Variants in HSD17B4 observed in about 807,000 individuals in gnomAD.
HSD17B4 encodes peroxisomal multifunctional enzyme type 2.
Under a neutral mutation model 101.0 loss-of-function variants are expected in HSD17B4, and 70 were observed. That is an observed-to-expected ratio of 0.69 (90% CI 0.57 to 0.85). The LOEUF (loss-of-function observed/expected upper bound fraction) is 0.85, where lower values mean the gene tolerates loss of function less well. Among genes scored for constraint, HSD17B4 ranks in the 40% least tolerant of loss-of-function variants. The probability of loss-of-function intolerance (pLI) is 0.00; values close to 1 mark genes in which losing one functional copy is unlikely to be tolerated. For synonymous variants in HSD17B4, 347 were observed against 297.1 expected (o/e 1.17, Z -1.73); for missense variants, 984 against 892.4 (o/e 1.10, Z -1.31).
At chr5:119,452,741 G>T in intron 1 of HSD17B4, 108 bp downstream of exon 1, 1 of 1,595,804 alleles carries the variant, frequency 6.3e-7, no homozygotes, top group African/African-American at 1.3e-5. Context: ...CCGCTGAGGT[G>T]GTGGGGAGGG....
intron 12 of HSD17B4, among the ~76,000 whole-genome samples, chr5:119,498,329 A>C (rs371986152): frequency 3.3e-5 from 5 of 152,318 alleles, no homozygotes; most frequent in African/African-American, 1.2e-4. Flanking sequence ...TCTGTGGGCT[A>C]CATAGTGCTT....
chr5:119,483,443 T>G (rs1277362160), intron 8 of HSD17B4, among the ~76,000 whole-genome samples: 8 of 152,156 alleles, frequency 5.3e-5, no homozygotes, highest in Admixed American at 4.6e-4. Context: ...TCCAAGCTCT[T>G]TTTATGTTGG....
chr5:119,483,545 T>A (rs1180885666), intron 8 of HSD17B4, among the ~76,000 whole-genome samples: 2 of 152,194 alleles, frequency 1.3e-5, no homozygotes, highest in Admixed American at 1.3e-4. Flanking sequence ...CTTTTAATGG[T>A]TGCATTGTAT....
chr5:119,517,782 A>G (rs989365824), intron 17 of HSD17B4, among the ~76,000 whole-genome samples: 6 of 151,886 alleles, frequency 4.0e-5, no homozygotes, highest in East Asian at 1.9e-4. Flanking sequence ...AAATGCACCA[A>G]TCGGCACTCT....
At position 119,509,176 on chromosome 5, in the gene HSD17B4, A is replaced by T. The variant is rs137853097; in HGVS notation, c.1369A>T (p.Asn457Tyr). 1.5e-5 allele frequency: 24 copies of T among 1,604,088 alleles called. No individual in the cohort carries two copies. The highest frequency in any genetic ancestry group is 1.2e-4 in the Admixed American group (7 of 59,988). Residue 457 changes from asparagine (N) to tyrosine (Y), a missense_variant, in exon 16 of 24, where the codon AAT becomes TAT. Physicochemically the swap from Asn to Tyr is moderately radical, Grantham distance 143. Coordinates refer to ENST00000510025, the MANE Select transcript of HSD17B4 (RefSeq NM_000414.4). ...TTCTGAGAAGGAACTTATATGCCAC[A>T]ATCAGTTCTCTCTCTTTCTTGTTGG... Reference protein sequence around the residue: ...SYSEKELICHNQFSLFLVGSG... With the variant: ...SYSEKELICHYQFSLFLVGSG...
At chr5:119,474,345 G>T in intron 3 of HSD17B4, 56 bp from the exon 4 acceptor site, 1 of 1,041,288 alleles carries the variant, frequency 9.6e-7, no homozygotes, top group Non-Finnish European at 1.5e-6. Flanking sequence ...ACAGAATTTA[G>T]AAGTCCTTTG....
At chr5:119,525,370 C>G (rs1269990975) in intron 18 of HSD17B4, 85 bp downstream of exon 18, 4 of 842,234 alleles carry the variant, frequency 4.7e-6, no homozygotes, top group Admixed American at 3.5e-5. Context: ...CTACTTATGA[C>G]TGGTAGTTTG....
intron 2 of HSD17B4, among the ~76,000 whole-genome samples, chr5:119,460,905 C>A (rs1755162700): frequency 6.6e-6 from 1 of 152,156 alleles, no homozygotes. Context: ...GCATCCCTGG[C>A]AGAAGAAGCA....
intron 23 of HSD17B4, among the ~76,000 whole-genome samples, chr5:119,537,453 G>A (rs1384317163): frequency 1.3e-5 from 2 of 152,096 alleles, no homozygotes; most frequent in Non-Finnish European, 2.9e-5. Context: ...TTAGTACAGT[G>A]CTTGGCAATG....
At chr5:119,471,644 A>G in intron 2 of HSD17B4, 3 of 1,370,556 alleles carry the variant, frequency 2.2e-6, no homozygotes, top group Non-Finnish European at 2.9e-6. Context: ...AGCTTTCAAA[A>G]TCTATGCAAT....
rs34381335 is a variant in HSD17B4 at position 119,542,238 on chromosome 5, T to TAA, written c.*249_*250dup. 6.6e-6 allele frequency: 2 copies of TAA among 302,556 alleles called. No homozygotes were observed. Among genetic ancestry groups the TAA allele is most frequent in the African/African-American group, 2.2e-5 (1 of 45,518 alleles). The allele number at this position is 302,556 out of a possible 1,614,324, so 18.7% of individuals were successfully genotyped here. ...TGTTCTTAGATCTGTATCTTCATAA[T>TAA]AAAAAATTTTGCCCAAGTCCTGTTT... On this transcript the variant is annotated 3_prime_UTR_variant, in exon 24 of 24. Coordinates refer to ENST00000510025, the MANE Select transcript of HSD17B4 (RefSeq NM_000414.4).
intron 8 of HSD17B4, chr5:119,487,437 T>G (rs948129334): frequency 6.6e-6 from 1 of 151,980 alleles, no homozygotes; most frequent in Non-Finnish European, 1.5e-5. Context: ...TCATATAACT[T>G]TATATCTTAA....
chr5:119,541,163 A>G (rs1041543493), intron 23 of HSD17B4, among the ~76,000 whole-genome samples: 7 of 152,222 alleles, frequency 4.6e-5, no homozygotes, highest in African/African-American at 1.7e-4. Context: ...GGTTAGATAC[A>G]AAACTGCTAC....
At chr5:119,540,905 A>G (rs566464175) in intron 23 of HSD17B4, among the ~76,000 whole-genome samples, 3 of 152,276 alleles carry the variant, frequency 2.0e-5, no homozygotes, top group Non-Finnish European at 4.4e-5. Context: ...AACTGGGGTA[A>G]GAACTGCTGA....
chr5:119,517,009 TGAG>T (rs1001134235), intron 17 of HSD17B4, among the ~76,000 whole-genome samples: 14 of 152,206 alleles, frequency 9.2e-5, no homozygotes, highest in African/African-American at 3.4e-4. Flanking sequence ...TGGCGGCACT[TGAG>T]GAGCCCATCA....
intron 19 of HSD17B4, among the ~76,000 whole-genome samples, chr5:119,526,282 T>TTATATATATATA (rs369231282): frequency 1.7e-5 from 1 of 59,354 alleles, no homozygotes; most frequent in African/African-American, 7.4e-5. Context: ...GGTGCATATA[T>TTATATATATATA]TATATATATA....
rs2126896399 is a variant in HSD17B4 at position 119,531,328 on chromosome 5, G to A, written c.1917G>A (p.Gly639=). The change falls in exon 22 of 24, where the codon GGG becomes GGA. Residue 639 remains glycine, a synonymous_variant. Coordinates refer to ENST00000510025, the MANE Select transcript of HSD17B4 (RefSeq NM_000414.4). ...EEIGRRLKDI[G]PEVVKKVNAV... ...TAGGACGCCGCCTAAAGGATATTGG[G>A]CCTGAGGTGGTGAAGAAAGTAAATG... The A allele has an allele frequency of 1.2e-6, 2 of 1,613,564 alleles. No homozygotes were observed. The highest frequency in any genetic ancestry group is 1.7e-5 in the Admixed American group (1 of 59,932).
chr5:119,517,213 C>G (rs1032377831), intron 17 of HSD17B4, among the ~76,000 whole-genome samples: 1 of 152,224 alleles, frequency 6.6e-6, no homozygotes, highest in Admixed American at 6.5e-5. Context: ...CTGGCCGGCC[C>G]TGCTGGCCCC....
rs191311668 is a variant in HSD17B4 at position 119,516,892 on chromosome 5, G to A, written c.1503+1846G>A. On this transcript the variant is annotated intron_variant, in intron 17 of 23. Transcript: ENST00000510025. Reference sequence around the variant, plus strand: ...ATAGGTGTAACAGACAGTCAGAGAAGGGATACTTATTAGGGAATGACATGT... The same window carrying A: ...ATAGGTGTAACAGACAGTCAGAGAAAGGATACTTATTAGGGAATGACATGT... 1.7e-3 allele frequency among the ~76,000 whole-genome samples: 256 copies of A among 152,374 alleles called. 6 individuals carry two copies. The South Asian group carries it at 0.047, about 28-fold the overall frequency.
Sources: gnomAD v4.1 joint callset for allele counts (sites outside exome capture counted in the v4.1 genomes callset) on GRCh38, gnomAD v4.1.1 for gene constraint, MANE v1.5 for transcripts, NCBI Gene and HGNC (gene_info 2026-07-23, HGNC 2026-07-21) for gene names.